The following HFM1 variants were observed in gnomAD, a reference collection of about 807,000 sequenced individuals.
HFM1 encodes the protein probable ATP-dependent DNA helicase HFM1.
In HFM1, 169 loss-of-function variants were observed where a neutral mutation model predicts 192.1. That is an observed-to-expected ratio of 0.88 (90% confidence interval 0.78 to 1.00). The LOEUF is 1.00. Among genes scored for constraint, HFM1 ranks in the 50% least tolerant of loss-of-function variants. The pLI is 0.00. For synonymous variants in HFM1, 525 were observed against 537.8 expected (o/e 0.98, Z 0.33); for missense variants, 1,661 against 1,668.0 (o/e 1.00, Z 0.07).
chr1:91,339,788 A>G (rs1371848823), intron 20 of HFM1, among the ~76,000 whole-genome samples: 9 of 152,174 alleles, frequency 5.9e-5, no homozygotes, highest in Admixed American at 5.9e-4. Flanking sequence ...ATTCAAATTC[A>G]GAAAATTCAG....
intron 30 of HFM1, among the ~76,000 whole-genome samples, chr1:91,293,123 C>T (rs1668976019): frequency 6.6e-6 from 1 of 152,184 alleles, no homozygotes. Context: ...TAGGCATTAC[C>T]ATTCAGGACG....
chr1:91,303,210 A>G (rs1649106081), intron 30 of HFM1, among the ~76,000 whole-genome samples: 1 of 152,134 alleles, frequency 6.6e-6, no homozygotes, highest in African/African-American at 2.4e-5. Flanking sequence ...GACAACCACT[A>G]ATCTACTTTA....
intron 20 of HFM1, among the ~76,000 whole-genome samples, chr1:91,342,133 GAAA>G (rs1553208061): frequency 1.4e-4 from 1 of 7,240 alleles, no homozygotes; most frequent in South Asian, 3.4e-3. Flanking sequence ...GAGACACAAT[GAAA>G]AAAAAAAAAA....
At position 91,399,178 on chromosome 1, in the gene HFM1, C is replaced by T. The variant is rs1312383888; in HGVS notation, c.71+1834G>A. ...CTTATATTCAAAGGCTGGCTCAAAT[C>T]CTACCTTTTCCAAGAAATCTCCCTA... On this transcript the variant is annotated intron_variant, in intron 2 of 38. Coordinates refer to ENST00000370425, the MANE Select transcript of HFM1 (RefSeq NM_001017975.6). Among the ~76,000 whole-genome samples the T allele has an allele frequency of 2.0e-5, 3 of 152,134 alleles. No homozygotes were observed. In the South Asian group the frequency reaches 6.2e-4, roughly 32 times the overall value.
upstream of HFM1, among the ~76,000 whole-genome samples, chr1:91,407,729 A>G (rs1407767426): frequency 2.6e-5 from 4 of 152,182 alleles, no homozygotes; most frequent in African/African-American, 9.7e-5. Flanking sequence ...TTCGTGTGTA[A>G]ATATCTCCGT....
At chr1:91,327,572 T>C (rs1653106402) in intron 20 of HFM1, among the ~76,000 whole-genome samples, 1 of 152,148 alleles carries the variant, frequency 6.6e-6, no homozygotes, top group African/African-American at 2.4e-5. Context: ...GAACAGATCA[T>C]CCAGACAGAA....
chr1:91,344,753 G>GTT (rs10678480), intron 19 of HFM1, among the ~76,000 whole-genome samples: 21,019 of 141,438 alleles, frequency 0.15, 1,725 homozygotes, highest in African/African-American at 0.19. Flanking sequence ...TTCTTTTCTT[G>GTT]TTTTTTTTTT....
chr1:91,343,397 T>G (rs1214076512), intron 20 of HFM1, 33 bp downstream of exon 20: 7 of 1,037,770 alleles, frequency 6.7e-6, no homozygotes, highest in Non-Finnish European at 1.0e-5. Context: ...AAGTAAACAA[T>G]TGCTAAATTT....
intron 36 of HFM1, among the ~76,000 whole-genome samples, chr1:91,263,381 G>A (rs1214918592): frequency 3.3e-5 from 5 of 152,232 alleles, no homozygotes; most frequent in African/African-American, 1.2e-4. Context: ...GATAGAATTG[G>A]ATCGTTTTGT....
chr1:91,344,239 A>G (rs949511402), intron 19 of HFM1, among the ~76,000 whole-genome samples: 1 of 152,194 alleles, frequency 6.6e-6, no homozygotes, highest in African/African-American at 2.4e-5. Flanking sequence ...TCCAGGAGAT[A>G]TAAGATAGTT....
At chr1:91,349,816 G>A (rs990685763) in intron 18 of HFM1, among the ~76,000 whole-genome samples, 2 of 152,186 alleles carry the variant, frequency 1.3e-5, no homozygotes, top group Non-Finnish European at 2.9e-5. Flanking sequence ...ATTTGTTTCA[G>A]GGTAATTTGT....
intron 19 of HFM1, among the ~76,000 whole-genome samples, chr1:91,345,698 A>G (rs1370047230): frequency 1.3e-5 from 2 of 152,178 alleles, no homozygotes; most frequent in African/African-American, 4.8e-5. Flanking sequence ...TTCTGTGTGA[A>G]GCATGGTCAT....
rs762544027 is a variant in HFM1 at position 91,352,508 on chromosome 1, G to C, written c.1975C>G (p.Gln659Glu). The stretch of plus-strand genomic sequence containing the variant: ...AAAGCAAAGTTATTGTCACTTACTT[G>C]AGGTCGACCAGCTCTACCAATCATC... The part of the protein sequence containing the change: ...LQMIGRAGRP[Q>E]FDTTATAVIM... The change falls in exon 16 of 39, where the codon CAA (glutamine) becomes GAA (glutamate). Residue 659 changes from glutamine (Q) to glutamate (E), a missense_variant and splice_region_variant. Coordinates refer to ENST00000370425, the MANE Select transcript of HFM1 (RefSeq NM_001017975.6). 1 of 1,568,692 alleles carries C rather than the reference G, an allele frequency of 6.4e-7. No homozygotes were observed. The highest frequency in any genetic ancestry group is 8.6e-7 in the Non-Finnish European group (1 of 1,161,674).
intron 6 of HFM1, among the ~76,000 whole-genome samples, chr1:91,384,327 C>CA (rs1454208406): frequency 1.3e-5 from 2 of 152,060 alleles, no homozygotes; most frequent in African/African-American, 2.4e-5. Flanking sequence ...TGAATTAAAA[C>CA]AAAATAAGTG....
intron 4 of HFM1, among the ~76,000 whole-genome samples, chr1:91,390,167 T>C (rs571696064): frequency 1.1e-4 from 16 of 152,214 alleles, no homozygotes; most frequent in African/African-American, 3.9e-4. Flanking sequence ...TGGCCAGGCA[T>C]GGTAGCTTAC....
chr1:91,302,193 G>C (rs1648890659), intron 30 of HFM1, among the ~76,000 whole-genome samples: 1 of 151,356 alleles, frequency 6.6e-6, no homozygotes, highest in Non-Finnish European at 1.5e-5. Context: ...TGCTCATCAT[G>C]ATTGGCCATC....
At chr1:91,323,233 G>T in intron 21 of HFM1, 34 bp from the exon 22 acceptor site, 3 of 1,133,960 alleles carry the variant, frequency 2.6e-6, no homozygotes, top group Non-Finnish European at 3.9e-6. Context: ...ATTTAATGAA[G>T]TCTATTTTTT....
At chr1:91,398,496 T>C (rs867639474) in intron 2 of HFM1, among the ~76,000 whole-genome samples, 12 of 152,346 alleles carry the variant, frequency 7.9e-5, no homozygotes, top group African/African-American at 1.7e-4. Context: ...TACAAGTTCC[T>C]ACCACATTCA....
intron 30 of HFM1, among the ~76,000 whole-genome samples, chr1:91,297,643 T>C (rs1187638760): frequency 6.6e-6 from 1 of 152,242 alleles, no homozygotes; most frequent in Admixed American, 6.5e-5. Flanking sequence ...CAATATCTGC[T>C]GTTCTGCAGC....
Sources: gnomAD v4.1 joint callset for allele counts (sites outside exome capture counted in the v4.1 genomes callset) on GRCh38, gnomAD v4.1.1 for gene constraint, MANE v1.5 for transcripts, NCBI Gene and HGNC (gene_info 2026-07-23, HGNC 2026-07-21) for gene names.